MACROD2: variants seen among roughly 807,000 people sequenced by gnomAD.
The protein encoded by MACROD2 is ADP-ribose glycohydrolase MACROD2.
A neutral mutation model predicts 70.4 loss-of-function variants in MACROD2; 36 were observed. That is an observed-to-expected ratio of 0.51 (90% CI 0.39 to 0.68). MACROD2 has a LOEUF of 0.68. MACROD2 is among the 30% of genes least tolerant of loss of function. The probability of loss-of-function intolerance (pLI) is 0.00; values close to 1 mark genes in which losing one functional copy is unlikely to be tolerated. For missense variants in MACROD2, 496 were observed against 538.4 expected (o/e 0.92, Z 0.78); for synonymous variants, 172 against 178.8 (o/e 0.96, Z 0.30).
At chr20:15,489,533 C>T (rs1314911140) in intron 7 of MACROD2, among the ~76,000 whole-genome samples, 1 of 152,208 alleles carries the variant, frequency 6.6e-6, no homozygotes, top group Non-Finnish European at 1.5e-5. Context: ...GGGCCCCACA[C>T]ACACTCTGCA....
intron 10 of MACROD2, among the ~76,000 whole-genome samples, chr20:15,927,727 C>A (rs2065512033): frequency 6.6e-6 from 1 of 152,070 alleles, no homozygotes; most frequent in African/African-American, 2.4e-5. Flanking sequence ...AATGAGGCAG[C>A]CAACATGGAA....
At chr20:14,950,934 C>T (rs2074470835) in intron 5 of MACROD2, among the ~76,000 whole-genome samples, 1 of 152,110 alleles carries the variant, frequency 6.6e-6, no homozygotes, top group African/African-American at 2.4e-5. Flanking sequence ...GCTTTTTATG[C>T]AAAATCACTA....
At chr20:15,256,415 T>G (rs2077200179) in intron 6 of MACROD2, among the ~76,000 whole-genome samples, 1 of 151,986 alleles carries the variant, frequency 6.6e-6, no homozygotes, top group Non-Finnish European at 1.5e-5. Context: ...AGGGATTTGG[T>G]GTGGAATACA....
intron 5 of MACROD2, among the ~76,000 whole-genome samples, chr20:15,115,222 C>CT (rs2075983728): frequency 6.6e-6 from 1 of 151,992 alleles, no homozygotes; most frequent in Non-Finnish European, 1.5e-5. Context: ...GTATTATGGT[C>CT]TTTTTTCTTT....
At chr20:15,651,405 T>C (rs1020462445) in intron 8 of MACROD2, among the ~76,000 whole-genome samples, 3 of 152,202 alleles carry the variant, frequency 2.0e-5, no homozygotes, top group Non-Finnish European at 4.4e-5. Context: ...TGAGAGTAGA[T>C]GCTAGCCAAC....
At chr20:15,050,037 C>T (rs1038006475) in intron 5 of MACROD2, among the ~76,000 whole-genome samples, 1 of 152,056 alleles carries the variant, frequency 6.6e-6, no homozygotes, top group Non-Finnish European at 1.5e-5. Flanking sequence ...AGCTTCCTGC[C>T]TCTAAGCATG....
At chr20:14,678,504 C>T (rs577789541) in intron 4 of MACROD2, among the ~76,000 whole-genome samples, 5 of 152,102 alleles carry the variant, frequency 3.3e-5, no homozygotes, top group Non-Finnish European at 7.4e-5. Context: ...GAAGCATAGA[C>T]AGTCCTATTG....
At chr20:15,398,091 C>A (rs2045883263) in intron 6 of MACROD2, among the ~76,000 whole-genome samples, 1 of 152,092 alleles carries the variant, frequency 6.6e-6, no homozygotes. Flanking sequence ...TGGAAATCCA[C>A]AATGTAGTAG....
intron 7 of MACROD2, among the ~76,000 whole-genome samples, chr20:15,487,911 C>T (rs187722600): frequency 7.9e-4 from 120 of 152,250 alleles, no homozygotes; most frequent in African/African-American, 2.4e-3. Flanking sequence ...GCTGCTGAGA[C>T]GGTGATGACG....
chr20:15,799,991 G>A (rs1253971922), intron 8 of MACROD2, among the ~76,000 whole-genome samples: 3 of 152,020 alleles, frequency 2.0e-5, no homozygotes, highest in Non-Finnish European at 4.4e-5. Flanking sequence ...TGATTGGAGT[G>A]TAGTGGTATA....
At chr20:14,602,994 A>T (rs1982589901) in intron 4 of MACROD2, among the ~76,000 whole-genome samples, 1 of 152,206 alleles carries the variant, frequency 6.6e-6, no homozygotes, top group African/African-American at 2.4e-5. Context: ...ACCCAATTAC[A>T]TCTAGGAGAC....
chr20:15,648,480 C>A (rs145513309), intron 8 of MACROD2, among the ~76,000 whole-genome samples: 43 of 152,254 alleles, frequency 2.8e-4, no homozygotes, highest in African/African-American at 1.0e-3. Context: ...GTGGCCTTCC[C>A]TGACCATGTT....
intron 6 of MACROD2, among the ~76,000 whole-genome samples, chr20:15,254,670 A>G (rs969547301): frequency 6.6e-6 from 1 of 152,164 alleles, no homozygotes; most frequent in African/African-American, 2.4e-5. Context: ...TCATCTAACA[A>G]ACAAGGTGCT....
chr20:14,347,237 T>C (rs2083073189), intron 3 of MACROD2, among the ~76,000 whole-genome samples: 1 of 152,202 alleles, frequency 6.6e-6, no homozygotes, highest in Non-Finnish European at 1.5e-5. Context: ...CTTTATCAGT[T>C]ACTATGGTGG....
intron 3 of MACROD2, among the ~76,000 whole-genome samples, chr20:14,275,142 T>C (rs2082239369): frequency 1.3e-5 from 2 of 151,976 alleles, no homozygotes; most frequent in East Asian, 1.9e-4. Flanking sequence ...TTAAACTTCA[T>C]ATGGAACCAA....
At chr20:15,035,479 A>G (rs1313557545) in intron 5 of MACROD2, among the ~76,000 whole-genome samples, 1 of 152,178 alleles carries the variant, frequency 6.6e-6, no homozygotes, top group Non-Finnish European at 1.5e-5. Context: ...TATGCAAGAA[A>G]TATTTTTACT....
chr20:14,837,479 C>T (rs1348683573), intron 5 of MACROD2, among the ~76,000 whole-genome samples: 1 of 151,978 alleles, frequency 6.6e-6, no homozygotes, highest in African/African-American at 2.4e-5. Context: ...GGATATGTAA[C>T]AAAGCTTCAA....
At chr20:15,270,663 C>T (rs1039116796) in intron 6 of MACROD2, among the ~76,000 whole-genome samples, 15 of 152,034 alleles carry the variant, frequency 9.9e-5, no homozygotes, top group African/African-American at 1.7e-4. Flanking sequence ...ATTTTGGGAA[C>T]GGTATTAGAG....
At chr20:15,242,950 G>A (rs765881495) in intron 6 of MACROD2, among the ~76,000 whole-genome samples, 1 of 152,180 alleles carries the variant, frequency 6.6e-6, no homozygotes, top group Non-Finnish European at 1.5e-5. Flanking sequence ...GAAGTCACGT[G>A]ATGATGCAAT....
Sources: gnomAD v4.1 joint callset for allele counts (sites outside exome capture counted in the v4.1 genomes callset) on GRCh38, gnomAD v4.1.1 for gene constraint, MANE v1.5 for transcripts, NCBI Gene and HGNC (gene_info 2026-07-23, HGNC 2026-07-21) for gene names.